The following PCOLCE2 variants were observed in gnomAD, a reference collection of about 807,000 sequenced individuals.
PCOLCE2 encodes the protein procollagen C-proteinase enhancer 2.
In PCOLCE2, 42 loss-of-function variants were observed where a neutral mutation model predicts 47.0. The ratio of observed to expected loss-of-function variants is 0.89; its 90% CI spans 0.70 to 1.16. The LOEUF is 1.16. Among genes scored for constraint, PCOLCE2 ranks in the 50% most tolerant of loss-of-function variants. The pLI, the probability that PCOLCE2 is intolerant of heterozygous loss-of-function variation, is 0.00. For missense variants in PCOLCE2, 500 were observed against 526.1 expected, an observed-to-expected ratio of 0.95 and a Z score of 0.49; for synonymous variants, 169 against 191.7, an observed-to-expected ratio of 0.88 and a Z score of 0.98.
intron 3 of PCOLCE2, among the ~76,000 whole-genome samples, chr3:142,844,665 T>G (rs1408150011): frequency 6.6e-6 from 1 of 152,208 alleles, no homozygotes; most frequent in African/African-American, 2.4e-5. Flanking sequence ...GAGTAGTTTT[T>G]CATGCACTTA....
chr3:142,883,156 G>A (rs533353219), intron 2 of PCOLCE2, among the ~76,000 whole-genome samples: 223 of 130,134 alleles, frequency 1.7e-3, no homozygotes, highest in African/African-American at 6.1e-3. Context: ...GCGAGATTGC[G>A]CCACTGCACT....
At chr3:142,829,664 G>T in intron 6 of PCOLCE2, 28 bp downstream of exon 6, 3 of 1,518,980 alleles carry the variant, frequency 2.0e-6, no homozygotes, top group Non-Finnish European at 1.8e-6. Context: ...TAAAGTTTTT[G>T]CACAAACTTC....
intron 2 of PCOLCE2, chr3:142,864,425 T>G (rs1397601990): frequency 3.9e-5 from 6 of 152,162 alleles, no homozygotes; most frequent in Non-Finnish European, 8.8e-5. Flanking sequence ...GGTAGTTCCT[T>G]GATATTTCAG....
At chr3:142,831,294 G>A (rs1937148576) in intron 5 of PCOLCE2, among the ~76,000 whole-genome samples, 1 of 152,190 alleles carries the variant, frequency 6.6e-6, no homozygotes, top group East Asian at 1.9e-4. Flanking sequence ...GGGACTGATG[G>A]CTTTATAAGA....
intron 2 of PCOLCE2, among the ~76,000 whole-genome samples, chr3:142,855,159 CT>C (rs918576250): frequency 4.6e-5 from 7 of 152,202 alleles, no homozygotes; most frequent in African/African-American, 1.4e-4. Flanking sequence ...CTGAGCACCC[CT>C]GGTCACTTAG....
At chr3:142,858,911 T>C (rs187388637) in intron 2 of PCOLCE2, among the ~76,000 whole-genome samples, 12 of 152,144 alleles carry the variant, frequency 7.9e-5, no homozygotes, top group Admixed American at 6.6e-4. Flanking sequence ...ATAGACATGA[T>C]AGGTGGAGAT....
chr3:142,857,576 A>G (rs1933086521), intron 2 of PCOLCE2, among the ~76,000 whole-genome samples: 1 of 152,238 alleles, frequency 6.6e-6, no homozygotes, highest in South Asian at 2.1e-4. Context: ...AAAAAAGGTA[A>G]TATTTCTTTT....
intron 2 of PCOLCE2, among the ~76,000 whole-genome samples, chr3:142,870,407 A>G (rs1203030810): frequency 1.3e-5 from 2 of 152,180 alleles, no homozygotes; most frequent in Non-Finnish European, 2.9e-5. Context: ...AGTATTTTTC[A>G]TGTTTTGCTG....
intron 2 of PCOLCE2, among the ~76,000 whole-genome samples, chr3:142,862,759 C>T (rs1933203456): frequency 6.6e-6 from 1 of 152,100 alleles, no homozygotes; most frequent in East Asian, 1.9e-4. Flanking sequence ...CTCCAAAGGA[C>T]TGAAAGACAG....
At chr3:142,826,413 C>T (rs1261987678) in intron 6 of PCOLCE2, among the ~76,000 whole-genome samples, 1 of 152,170 alleles carries the variant, frequency 6.6e-6, no homozygotes, top group African/African-American at 2.4e-5. Context: ...TTTTCCTCCT[C>T]TGAGAGAGGG....
chr3:142,882,834 T>C (rs1041480863), intron 2 of PCOLCE2, among the ~76,000 whole-genome samples: 7 of 152,334 alleles, frequency 4.6e-5, no homozygotes, highest in Non-Finnish European at 7.4e-5. Context: ...TGCATAACAA[T>C]TGCTGTTTCA....
At chr3:142,877,946 T>C (rs1202486809) in intron 2 of PCOLCE2, among the ~76,000 whole-genome samples, 3 of 152,180 alleles carry the variant, frequency 2.0e-5, no homozygotes, top group Non-Finnish European at 4.4e-5. Context: ...TGAATGACAA[T>C]TTATTTGGAG....
rs199789465 is a variant in PCOLCE2 at position 142,848,437 on chromosome 3, T to A, written c.228A>T (p.Arg76=). 1.2e-6 allele frequency: 2 copies of A among 1,602,944 alleles called. No individual in the cohort carries two copies. Among genetic ancestry groups the A allele is most frequent in the East Asian group, 2.2e-5 (1 of 44,570 alleles). ...GGTTGTCACTCTCGAGGTCTATGAA[T>A]CGGAAATTGAGAACGACTACTTTTC... The part of the protein sequence containing the change: ...PEGKVVVLNF[R]FIDLESDNLC... The change falls in exon 3 of 9, where the codon CGA becomes CGT. Residue 76 remains arginine, a synonymous_variant. Coordinates refer to ENST00000295992, the MANE Select transcript of PCOLCE2 (RefSeq NM_013363.4).
At chr3:142,865,575 A>G (rs965138697) in intron 2 of PCOLCE2, among the ~76,000 whole-genome samples, 2 of 152,222 alleles carry the variant, frequency 1.3e-5, no homozygotes, top group African/African-American at 2.4e-5. Context: ...TCTCACTTTA[A>G]TTTCTGGATC....
At chr3:142,823,172 A>G (rs534824774) in intron 7 of PCOLCE2, among the ~76,000 whole-genome samples, 4 of 152,266 alleles carry the variant, frequency 2.6e-5, no homozygotes, top group Admixed American at 1.3e-4. Context: ...GTATGTTTCT[A>G]ATTTACTTAA....
At chr3:142,880,780 C>A (rs1933597546) in intron 2 of PCOLCE2, among the ~76,000 whole-genome samples, 1 of 152,198 alleles carries the variant, frequency 6.6e-6, no homozygotes, top group South Asian at 2.1e-4. Context: ...TATTAGGCAT[C>A]TTTGGAAATA....
rs1478003516 is a variant in PCOLCE2, at chr3:142,820,994, G to A, written c.1001C>T (p.Ala334Val). 6.2e-7 allele frequency: 1 copy of A among 1,613,758 alleles called. No individual in the cohort carries two copies. Among genetic ancestry groups the A allele is most frequent in the Non-Finnish European group, 8.5e-7 (1 of 1,179,804 alleles). Residue 334 changes from alanine to valine, a missense_variant, in exon 8 of 9, where the codon GCC becomes GTC. Physicochemically the swap from Ala to Val is moderately conservative, Grantham distance 64. Coordinates refer to ENST00000295992, the MANE Select transcript of PCOLCE2 (RefSeq NM_013363.4). ...TTITRDGSLH[A>V]TVSIINIYKE... ...GTAGATGTTGATGATCGAGACTGTG[G>A]CGTGCAAACTCCCATCGCGAGTGAT...
intron 4 of PCOLCE2, among the ~76,000 whole-genome samples, chr3:142,841,264 T>G (rs775522810): frequency 5.9e-5 from 9 of 152,182 alleles, no homozygotes; most frequent in Non-Finnish European, 1.3e-4. Flanking sequence ...GGACTTAATT[T>G]TCCCATTATA....
chr3:142,863,996 T>A (rs1401902477), intron 2 of PCOLCE2: 1 of 143,894 alleles, frequency 6.9e-6, no homozygotes, highest in African/African-American at 2.8e-5. Context: ...ACGACACATT[T>A]AAGAAAAAAA....
Sources: allele counts gnomAD v4.1 joint callset (sites outside exome capture counted in the v4.1 genomes callset), GRCh38; gene constraint gnomAD v4.1.1; transcripts MANE v1.5; gene names NCBI Gene and HGNC (gene_info 2026-07-23, HGNC 2026-07-21).